The following SLMAP variants were observed in gnomAD, a reference collection of about 807,000 sequenced individuals.
SLMAP encodes the protein sarcolemmal membrane-associated protein.
Under a neutral mutation model 128.8 loss-of-function variants are expected in SLMAP, and 44 were observed. The observed-to-expected ratio is 0.34, with a 90% CI of 0.27 to 0.44. The LOEUF (loss-of-function observed/expected upper bound fraction) is 0.44, where lower values mean the gene tolerates loss of function less well. SLMAP is among the 20% of genes least tolerant of loss of function. The pLI is 1.00. For synonymous variants in SLMAP, 327 were observed against 348.8 expected, an observed-to-expected ratio of 0.94 and a Z score of 0.70; for missense variants, 787 against 985.3, an observed-to-expected ratio of 0.80 and a Z score of 2.69.
chr3:57,855,066 G>T (rs1380133777), intron 6 of SLMAP, among the ~76,000 whole-genome samples: 1 of 152,164 alleles, frequency 6.6e-6, no homozygotes, highest in East Asian at 1.9e-4. Context: ...TCTAAACACA[G>T]AAAAGGTACA....
chr3:57,824,454 G>T (rs567303952), intron 2 of SLMAP, among the ~76,000 whole-genome samples: 1 of 152,228 alleles, frequency 6.6e-6, no homozygotes, highest in East Asian at 1.9e-4. Flanking sequence ...TGAGGCAGGG[G>T]TCCAACTTTA....
At chr3:57,835,282 C>T (rs958927942) in intron 3 of SLMAP, among the ~76,000 whole-genome samples, 6 of 151,284 alleles carry the variant, frequency 4.0e-5, no homozygotes, top group Admixed American at 2.0e-4. Flanking sequence ...CTACCCGCTC[C>T]CCTGGCCCCC....
At position 57,784,209 on chromosome 3, in the gene SLMAP, A is replaced by T. The variant is rs866253815; in HGVS notation, c.198+26360A>T. On this transcript the variant is annotated intron_variant, in intron 2 of 24. Coordinates refer to ENST00000671191, the MANE Select transcript of SLMAP (RefSeq NM_001377540.1). ...AAGACCACAGAACTATAGGGCCACC[A>T]GCATATAACTGCACCCTGGAAAGGC... is the stretch of plus-strand genomic sequence containing the variant. Among the ~76,000 whole-genome samples the T allele has an allele frequency of 7.2e-5, 11 of 152,266 alleles. No homozygotes were observed. In the South Asian group the frequency reaches 2.3e-3, roughly 32 times the overall value.
chr3:57,862,268 AG>A (rs1160613744), intron 10 of SLMAP, among the ~76,000 whole-genome samples, 182 bp downstream of exon 10: 6 of 151,974 alleles, frequency 3.9e-5, no homozygotes, highest in Non-Finnish European at 2.9e-5. Flanking sequence ...CAGCGAGCTG[AG>A]ATCACGTCAC....
chr3:57,922,425 CTT>C (rs72397483), intron 22 of SLMAP, among the ~76,000 whole-genome samples: 40 of 124,998 alleles, frequency 3.2e-4, no homozygotes, highest in Non-Finnish European at 4.4e-4. Context: ...AAAGGCTTTT[CTT>C]TTTTTTTTTT....
Position 57,927,410 on chromosome 3 carries a change from A to G in SLMAP, c.*121A>G, listed in dbSNP as rs369288011. 1.0e-5 allele frequency: 15 copies of G among 1,453,370 alleles called. No homozygotes were observed. The highest frequency in any genetic ancestry group is 2.3e-5 in the East Asian group (1 of 42,966). The allele number at this position is 1,453,370 out of a possible 1,614,324, so 90.0% of individuals were successfully genotyped here. A position where few individuals can be genotyped will look rare whatever the true frequency, so the allele number is the denominator to read the frequency against. On this transcript the variant is annotated 3_prime_UTR_variant, in exon 25 of 25. Coordinates refer to ENST00000671191, the MANE Select transcript of SLMAP (RefSeq NM_001377540.1). ...ATGAGAGCGTTCCTTGAGTCCGTAC[A>G]CCGTCCTCCCTCTAGAAGCTGGCAT...
intron 3 of SLMAP, among the ~76,000 whole-genome samples, chr3:57,832,176 C>G (rs1449853576): frequency 2.0e-5 from 3 of 152,152 alleles, no homozygotes; most frequent in Non-Finnish European, 4.4e-5. Flanking sequence ...CCTGCAGCTA[C>G]AAAGAAGTCT....
intron 22 of SLMAP, among the ~76,000 whole-genome samples, chr3:57,920,086 A>G (rs1329397977): frequency 6.6e-6 from 1 of 152,214 alleles, no homozygotes; most frequent in Non-Finnish European, 1.5e-5. Context: ...CTCTTTACTT[A>G]TTCTTTATTA....
At chr3:57,909,228 C>G (rs1298010523) in intron 19 of SLMAP, 78 bp downstream of exon 19, 3 of 1,026,056 alleles carry the variant, frequency 2.9e-6, no homozygotes, top group Non-Finnish European at 4.4e-6. Flanking sequence ...GGAGGCCAGG[C>G]GCAGTGGCTC....
intron 8 of SLMAP, among the ~76,000 whole-genome samples, chr3:57,859,853 G>T (rs112257429): frequency 3.9e-5 from 6 of 151,960 alleles, no homozygotes; most frequent in African/African-American, 1.2e-4. Context: ...ATCTCTAAAG[G>T]TATTGGAATA....
At chr3:57,897,067 A>G in intron 17 of SLMAP, 135 bp downstream of exon 17, 1 of 1,423,808 alleles carries the variant, frequency 7.0e-7, no homozygotes, top group South Asian at 1.7e-5. Flanking sequence ...AGTAGCAGGG[A>G]CTAAAAATTT....
At chr3:57,899,558 CTTATT>C (rs1189648422) in intron 17 of SLMAP, 1 of 151,806 alleles carries the variant, frequency 6.6e-6, no homozygotes, top group Non-Finnish European at 1.5e-5. Context: ...AATTTTTTTA[CTTATT>C]TTGTTTTGTT....
At chr3:57,873,999 T>C (rs980938460) in intron 14 of SLMAP, among the ~76,000 whole-genome samples, 9 of 152,194 alleles carry the variant, frequency 5.9e-5, no homozygotes, top group African/African-American at 2.2e-4. Flanking sequence ...GATGCATGCC[T>C]GTAATCCCAG....
intron 2 of SLMAP, among the ~76,000 whole-genome samples, chr3:57,816,374 C>T (rs1297859340): frequency 3.3e-5 from 5 of 151,930 alleles, no homozygotes; most frequent in African/African-American, 9.7e-5. Context: ...AAACTCCTTG[C>T]CTCAAGTGAT....
At chr3:57,869,630 T>TTATATATATATTA (rs2095421703) in intron 13 of SLMAP, among the ~76,000 whole-genome samples, 1 of 75,474 alleles carries the variant, frequency 1.3e-5, no homozygotes, top group African/African-American at 5.0e-5. Flanking sequence ...CCCATCTCTA[T>TTATATATATATTA]TATATATATA....
intron 23 of SLMAP, among the ~76,000 whole-genome samples, chr3:57,924,980 G>A (rs1473488917): frequency 6.7e-6 from 1 of 149,534 alleles, no homozygotes; most frequent in South Asian, 2.1e-4. Flanking sequence ...TTGGTGACAG[G>A]GTCTTGCTCT....
chr3:57,927,311 A>C lies in SLMAP; in HGVS notation c.*22A>C. On this transcript the variant is annotated 3_prime_UTR_variant, in exon 25 of 25. Coordinates refer to ENST00000671191, the MANE Select transcript of SLMAP (RefSeq NM_001377540.1). Reference sequence around the variant, plus strand: ...TTCCACACAGAAACCCTGGCCCTGGATGCCCATGTTGGCTGCCCTGGTTGC... The same window carrying C: ...TTCCACACAGAAACCCTGGCCCTGGCTGCCCATGTTGGCTGCCCTGGTTGC... The C allele has an allele frequency of 6.2e-7, 1 of 1,606,290 alleles. No homozygotes were observed. Among genetic ancestry groups the C allele is most frequent in the Non-Finnish European group, 8.5e-7 (1 of 1,174,774 alleles).
intron 4 of SLMAP, among the ~76,000 whole-genome samples, chr3:57,844,606 C>G (rs1337706067): frequency 6.6e-6 from 1 of 150,738 alleles, no homozygotes; most frequent in African/African-American, 2.4e-5. Flanking sequence ...GATTTTTAGC[C>G]ATTTGTTTAT....
At position 57,929,208 on chromosome 3, in the gene SLMAP, G is replaced by T. The variant is rs922978055; in HGVS notation, c.*1919G>T. ...GAATATCATTGAAGTTCTTAATGCT[G>T]ACTCTACTATTGGGTTGTTAATAGT... On this transcript the variant is annotated 3_prime_UTR_variant, in exon 25 of 25. Coordinates refer to ENST00000671191, the MANE Select transcript of SLMAP (RefSeq NM_001377540.1). The T allele has an allele frequency of 6.6e-6, 1 of 152,548 alleles. No homozygotes were observed. The highest frequency in any genetic ancestry group is 1.5e-5 in the Non-Finnish European group (1 of 67,996). 9.4% of individuals were successfully genotyped at this position (152,548 alleles called of 1,614,324 possible).
Sources: gnomAD v4.1 joint callset for allele counts (sites outside exome capture counted in the v4.1 genomes callset) on GRCh38, gnomAD v4.1.1 for gene constraint, MANE v1.5 for transcripts, NCBI Gene and HGNC (gene_info 2026-07-23, HGNC 2026-07-21) for gene names.